EIF4G1: variants seen among roughly 807,000 people sequenced by gnomAD.
The protein encoded by EIF4G1 is eukaryotic translation initiation factor 4 gamma 1, also known as EIF4-gamma.
A neutral mutation model predicts 187.8 loss-of-function variants in EIF4G1; 4 were observed. The observed-to-expected ratio is 0.02, with a 90% CI of 0.01 to 0.05. The LOEUF is 0.05. EIF4G1 is among the 10% of genes least tolerant of loss of function. The probability of loss-of-function intolerance (pLI) is 1.00; values close to 1 mark genes in which losing one functional copy is unlikely to be tolerated. For missense variants in EIF4G1, 1,647 were observed against 2,081.1 expected (o/e 0.79, Z 4.06); for synonymous variants, 844 against 781.4 (o/e 1.08, Z -1.34).
At chr3:184,318,403 G>A (rs1685394413) in intron 6 of EIF4G1, among the ~76,000 whole-genome samples, 1 of 152,132 alleles carries the variant, frequency 6.6e-6, no homozygotes, top group South Asian at 2.1e-4. Context: ...GACTGCTTAA[G>A]GCCAGGAGTT....
intron 7 of EIF4G1, chr3:184,320,383 G>C (rs1723681061): frequency 7.1e-7 from 1 of 1,400,280 alleles, no homozygotes; most frequent in African/African-American, 1.4e-5. Context: ...GTAGGGATGA[G>C]GGAGGGAGGG....
At chr3:184,317,260 G>C (rs1577183982) in intron 4 of EIF4G1, 61 bp from the exon 5 acceptor site, 52 of 1,585,162 alleles carry the variant, frequency 3.3e-5, no homozygotes, top group Non-Finnish European at 4.3e-5. Flanking sequence ...ATTGTGGAGT[G>C]GCAATTTTTT....
chr3:184,324,938 C>T lies in EIF4G1; in HGVS notation c.2680C>T (p.Arg894Cys), dbSNP rs1332119177. The change falls in exon 18 of 33, where the codon CGC (arginine) becomes TGC (cysteine). Residue 894 changes from arginine to cysteine, a missense_variant. Physicochemically the swap from Arg to Cys is radical, Grantham distance 180. This residue lies in a region of EIF4G1 where 142 missense variants were observed against 296.6 expected (regional missense o/e 0.48). Transcript: ENST00000346169. ...AGAGGCTCGGGACATAGCCCGGCGG[C>T]GCTCTTTAGGGAATATCAAGTTTAT... ...LEEARDIARR[R>C]SLGNIKFIGE... The T allele has an allele frequency of 1.2e-6, 2 of 1,614,086 alleles. No individual in the cohort carries two copies. Among genetic ancestry groups the T allele is most frequent in the Non-Finnish European group, 8.5e-7 (1 of 1,180,050 alleles).
chr3:184,317,315 T>C lies in EIF4G1; in HGVS notation c.148-6T>C. ...CAATGCCAACTGCTTTCCTCCCTCC[T>C]GACAGCACTTCTACCCTAGCCGGGC... On this transcript the variant is annotated splice_region_variant and splice_polypyrimidine_tract_variant and intron_variant, in intron 4 of 32. Coordinates refer to ENST00000346169, the MANE Select transcript of EIF4G1 (RefSeq NM_198241.3). 6.2e-7 allele frequency: 1 copy of C among 1,614,036 alleles called. No individual in the cohort carries two copies. Among genetic ancestry groups the C allele is most frequent in the Non-Finnish European group, 8.5e-7 (1 of 1,180,018 alleles).
In EIF4G1 at chr3:184,323,500, G is replaced by C. The variant is rs760484075; in HGVS notation, c.2181G>C (p.Leu727=). 99 of 1,614,046 alleles carry C rather than the reference G, an allele frequency of 6.1e-5. No homozygotes were observed. The highest frequency in any genetic ancestry group is 6.9e-5 in the Non-Finnish European group (81 of 1,180,058). ...ATVLMTEDIK[L]NKAEKAWKPS... is the part of the protein sequence containing the mutation. ...TGTTAATGACCGAAGATATAAAACT[G>C]AACAAAGCAGAGAAAGCCTGGAAAC... The change falls in exon 15 of 33, where the codon CTG becomes CTC. Residue 727 remains leucine (L), a synonymous_variant. Coordinates refer to ENST00000346169, the MANE Select transcript of EIF4G1 (RefSeq NM_198241.3). The surrounding 1 kb of genome is among the most constrained non-coding windows in gnomAD (Gnocchi z 6.9).
Position 184,331,828 on chromosome 3 carries a change from A to G in EIF4G1, c.4477+19A>G. The G allele has an allele frequency of 6.2e-7, 1 of 1,614,070 alleles. No individual in the cohort carries two copies. The highest frequency in any genetic ancestry group is 8.5e-7 in the Non-Finnish European group (1 of 1,180,002). On this transcript the variant is annotated intron_variant, in intron 31 of 32. Transcript: ENST00000346169. ...ATTATTTGTAAGAGGAACCAGGGAG[A>G]TGGAGGGGCAAGGGTGGGCCTGACA... is the stretch of plus-strand genomic sequence containing the variant.
Position 184,325,694 on chromosome 3 carries a change from C to T in EIF4G1, c.3121+55C>T. On this transcript the variant is annotated intron_variant, in intron 20 of 32. Transcript: ENST00000346169. This position sits in a 1 kb window ranked among gnomAD's most constrained non-coding sequence, Gnocchi z 5.2. ...GCAGTGAAGGGACCGGGAGGTTATACTTTCCTCTGATGACTTCCTGTTAGT... is the reference window on the plus strand; with the variant it reads ...GCAGTGAAGGGACCGGGAGGTTATATTTTCCTCTGATGACTTCCTGTTAGT... 2 of 1,613,944 alleles carry T rather than the reference C, an allele frequency of 1.2e-6. No individual in the cohort carries two copies. Among genetic ancestry groups the T allele is most frequent in the Non-Finnish European group, 1.7e-6 (2 of 1,179,872 alleles).
intron 26 of EIF4G1, chr3:184,328,233 C>T: frequency 1.8e-6 from 1 of 553,256 alleles, no homozygotes; most frequent in South Asian, 2.0e-5. Context: ...CCTGTCTCTA[C>T]TAATAATACA....
intron 21 of EIF4G1, 33 bp from the exon 22 acceptor site, chr3:184,326,494 G>T: frequency 1.9e-6 from 3 of 1,612,470 alleles, no homozygotes; most frequent in South Asian, 1.1e-5. Context: ...AGCCGGGTTG[G>T]ACCTATGATT....
chr3:184,328,502 A>G, intron 26 of EIF4G1, 129 bp from the exon 27 acceptor site: 1 of 1,346,140 alleles, frequency 7.4e-7, no homozygotes, highest in Non-Finnish European at 1.1e-6. Context: ...CTTAGCTTGA[A>G]ATAATTGTCC....
chr3:184,334,586 C>A lies in EIF4G1; in HGVS notation c.4619-141C>A, dbSNP rs1396488320. On this transcript the variant is annotated intron_variant, in intron 32 of 32. Transcript: ENST00000346169. The surrounding 1 kb of genome is among the most constrained non-coding windows in gnomAD (Gnocchi z 5.8). ...CATGAGATTAGCATCCTGTCAGAGG[C>A]CTAGTCACTCTGGAATGGCCACAAA... 3.3e-6 allele frequency: 3 copies of A among 914,398 alleles called. No homozygotes were observed. Among genetic ancestry groups the A allele is most frequent in the Non-Finnish European group, 3.5e-6 (2 of 571,272 alleles). The allele number at this position is 914,398 out of a possible 1,614,324, so 56.6% of individuals were successfully genotyped here. A position where few individuals can be genotyped will look rare whatever the true frequency, so the allele number is the denominator to read the frequency against.
At position 184,317,454 on chromosome 3, in the gene EIF4G1, TCTC is replaced by T. The variant is rs1440564936; in HGVS notation, c.284_286del (p.Ser95del). ...CAAGTAATGATGATCCCTTCCCAGA[TCTC>T]CTACCCAGCCTCCCAGGGGGCCTAC... is the stretch of plus-strand genomic sequence containing the variant. On this transcript the variant is annotated inframe_deletion, in exon 5 of 33. Transcript: ENST00000346169. 2 of 1,613,872 alleles carry T rather than the reference TCTC, an allele frequency of 1.2e-6. No homozygotes were observed. The highest frequency in any genetic ancestry group is 8.5e-7 in the Non-Finnish European group (1 of 1,179,942).
At chr3:184,322,779 C>T (rs1724140577) in intron 12 of EIF4G1, 42 bp from the exon 13 acceptor site, 1 of 1,614,142 alleles carries the variant, frequency 6.2e-7, no homozygotes, top group Non-Finnish European at 8.5e-7. Flanking sequence ...TTATTAGGGC[C>T]AGAGGAGGCA....
At chr3:184,332,262 G>A (rs1726261190) in intron 32 of EIF4G1, among the ~76,000 whole-genome samples, 176 bp downstream of exon 32, 2 of 152,242 alleles carry the variant, frequency 1.3e-5, no homozygotes. Context: ...CCTACAAGTG[G>A]AAGGAGTTAG....
At chr3:184,316,096 TTCCC>T in intron 3 of EIF4G1, 32 bp from the exon 4 acceptor site, 1 of 1,613,806 alleles carries the variant, frequency 6.2e-7, no homozygotes, top group Non-Finnish European at 8.5e-7. Flanking sequence ...CCACCTGGGC[TTCCC>T]CTCTTGCTGA....
chr3:184,325,045 A>G lies in EIF4G1; in HGVS notation c.2787A>G (p.Glu929=). The change falls in exon 18 of 33, where the codon GAA becomes GAG. Residue 929 remains glutamate (E), a synonymous_variant. Transcript: ENST00000346169. This position sits in a 1 kb window ranked among gnomAD's most constrained non-coding sequence, Gnocchi z 5.2. ...TCAAACTGCTTAAGAACCATGATGA[A>G]GAGTCCCTTGAGTGCCTTTGTCGTC... is the stretch of plus-strand genomic sequence containing the variant. ...CVVKLLKNHD[E]ESLECLCRLL... is the part of the protein sequence containing the mutation. 1 of 1,614,202 alleles carries G rather than the reference A, an allele frequency of 6.2e-7. No homozygotes were observed. The highest frequency in any genetic ancestry group is 8.5e-7 in the Non-Finnish European group (1 of 1,180,040).
intron 21 of EIF4G1, 138 bp downstream of exon 21, chr3:184,326,089 C>A: frequency 2.3e-6 from 2 of 871,758 alleles, no homozygotes; most frequent in Non-Finnish European, 3.7e-6. Flanking sequence ...GGACTGCCAG[C>A]TGTAGAGGGA....
Position 184,325,454 on chromosome 3 carries a change from T to C in EIF4G1, c.2962-26T>C. 1 of 1,614,138 alleles carries C rather than the reference T, an allele frequency of 6.2e-7. No homozygotes were observed. Among genetic ancestry groups the C allele is most frequent in the Non-Finnish European group, 8.5e-7 (1 of 1,180,022 alleles). On this transcript the variant is annotated intron_variant, in intron 19 of 32. Transcript: ENST00000346169. The surrounding 1 kb of genome is among the most constrained non-coding windows in gnomAD (Gnocchi z 5.2). ...CCTTGTCTTGCCTTCCCTGACATCA[T>C]CGTGACTGGCCCTCTGTCTCCACAG...
At chr3:184,329,275 A>G (rs1197063768) in intron 28 of EIF4G1, 1 of 472,402 alleles carries the variant, frequency 2.1e-6, no homozygotes. Flanking sequence ...ATGATCATTT[A>G]TCATATACTA....
Sources: gnomAD v4.1 joint callset for allele counts (sites outside exome capture counted in the v4.1 genomes callset) on GRCh38, gnomAD v4.1.1 for gene constraint, gnomAD v4.1.1 regional missense constraint, Gnocchi (gnomAD v3.1) non-coding constraint, MANE v1.5 for transcripts, NCBI Gene and HGNC (gene_info 2026-07-23, HGNC 2026-07-21) for gene names.